POFUT4: variants seen among roughly 807,000 people sequenced by gnomAD.
POFUT4 encodes the protein GDP-fucose protein O-fucosyltransferase 4.
At chr10:73,772,972 T>C in the POFUT4 span, 1 of 1,603,370 alleles carries the variant, frequency 6.2e-7, no homozygotes, top group South Asian at 1.1e-5. Flanking sequence ...CGCTGCTCTA[T>C]CTGCAGTCAC....
the POFUT4 span, chr10:73,775,726 A>C: frequency 4.4e-6 from 7 of 1,605,390 alleles, no homozygotes; most frequent in Non-Finnish European, 6.0e-6. Flanking sequence ...AGCTAAGGAG[A>C]TCTTATTCTA....
the POFUT4 span, chr10:73,772,728 C>T: frequency 3.8e-6 from 6 of 1,593,510 alleles, no homozygotes; most frequent in Admixed American, 1.7e-5. Context: ...GCGTCGGCCG[C>T]CCCGCTGCCG....
chr10:73,773,058 C>T, the POFUT4 span: 3 of 1,555,766 alleles, frequency 1.9e-6, no homozygotes, highest in African/African-American at 2.7e-5. Context: ...GAGGGCGGGC[C>T]GGAGGGAAGG....
chr10:73,775,118 C>T, the POFUT4 span: 2 of 387,646 alleles, frequency 5.2e-6, no homozygotes, highest in East Asian at 4.2e-5. Context: ...TATGTCTTTT[C>T]TAGATACTGG....
At chr10:73,773,731 C>T in the POFUT4 span, 1 of 1,614,118 alleles carries the variant, frequency 6.2e-7, no homozygotes, top group Non-Finnish European at 8.5e-7. Flanking sequence ...GTCTTTGAGC[C>T]CCACATTGCC....
chr10:73,775,328 G>A, the POFUT4 span: 1 of 1,148,000 alleles, frequency 8.7e-7, no homozygotes, highest in Admixed American at 2.0e-5. Context: ...GTAATTGATT[G>A]GGTAGTCTGT....
chr10:73,777,254 A>G, the POFUT4 span, among the ~76,000 whole-genome samples: 2 of 152,106 alleles, frequency 1.3e-5, no homozygotes, highest in Admixed American at 6.6e-5. Flanking sequence ...ATGATTTTGA[A>G]ATGTTAAAAT....
At chr10:73,776,714 C>T in the POFUT4 span, among the ~76,000 whole-genome samples, 5 of 152,262 alleles carry the variant, frequency 3.3e-5, no homozygotes, top group African/African-American at 1.2e-4. Flanking sequence ...TGGAGTCTTG[C>T]TTTGTCACCA....
the POFUT4 span, chr10:73,772,677 C>G: frequency 5.9e-4 from 921 of 1,558,324 alleles, 9 homozygotes; most frequent in Admixed American, 8.7e-4. Context: ...CTGAGGGACT[C>G]GCGGACGCGC....
At chr10:73,773,568 T>C in the POFUT4 span, 1 of 1,614,246 alleles carries the variant, frequency 6.2e-7, no homozygotes, top group Non-Finnish European at 8.5e-7. Context: ...CACCAACCAA[T>C]TTCTTCTGGA....
the POFUT4 span, chr10:73,772,601 C>G: frequency 5.7e-6 from 9 of 1,570,258 alleles, no homozygotes; most frequent in Non-Finnish European, 7.8e-6. Context: ...CCCCCACTTC[C>G]CGGGAGACTC....
the POFUT4 span, chr10:73,772,519 T>A: frequency 6.4e-7 from 1 of 1,564,194 alleles, no homozygotes; most frequent in Non-Finnish European, 8.6e-7. Context: ...CGCGCAGCTC[T>A]GGGACGCCGC....
At chr10:73,773,340 G>A in the POFUT4 span, 1 of 1,614,106 alleles carries the variant, frequency 6.2e-7, no homozygotes, top group Non-Finnish European at 8.5e-7. Flanking sequence ...CATCTGTAAC[G>A]ACTACATGAC....
At chr10:73,776,584 G>A in the POFUT4 span, among the ~76,000 whole-genome samples, 1 of 152,246 alleles carries the variant, frequency 6.6e-6, no homozygotes, top group East Asian at 1.9e-4. Flanking sequence ...GGGAGGTTGA[G>A]GCAGGAGGAT....
At chr10:73,775,120 A>G in the POFUT4 span, 1 of 394,136 alleles carries the variant, frequency 2.5e-6, no homozygotes, top group Non-Finnish European at 4.6e-6. Flanking sequence ...TGTCTTTTCT[A>G]GATACTGGAT....
At chr10:73,773,188 A>G in the POFUT4 span, 4 of 1,606,948 alleles carry the variant, frequency 2.5e-6, no homozygotes, top group Non-Finnish European at 3.4e-6. Context: ...TACCCGGTCT[A>G]GGTAGACTCC....
chr10:73,772,344 G>C, the POFUT4 span: 2 of 1,459,448 alleles, frequency 1.4e-6, no homozygotes, highest in Non-Finnish European at 1.8e-6. Context: ...ATGGCGGCCG[G>C]CCCCATTAGG....
the POFUT4 span, chr10:73,773,877 A>G: frequency 2.7e-6 from 4 of 1,496,418 alleles, no homozygotes; most frequent in South Asian, 1.3e-5. Flanking sequence ...ACTGTGGGCA[A>G]TTAAGTAGCA....
At chr10:73,772,340 G>T in the POFUT4 span, 26 of 1,455,748 alleles carry the variant, frequency 1.8e-5, no homozygotes, top group Non-Finnish European at 1.8e-6. Context: ...GGACATGGCG[G>T]CCGGCCCCAT....
Sources: gnomAD v4.1 joint callset for allele counts (sites outside exome capture counted in the v4.1 genomes callset) on GRCh38, gnomAD v4.1.1 for gene constraint, MANE v1.5 for transcripts, NCBI Gene and HGNC (gene_info 2026-07-23, HGNC 2026-07-21) for gene names.